PJA2: variants seen among roughly 807,000 people sequenced by gnomAD.
PJA2 encodes the protein praja ring finger ubiquitin ligase 2.
A neutral mutation model predicts 69.3 loss-of-function variants in PJA2; 25 were observed. The observed-to-expected ratio is 0.36, with a 90% CI of 0.26 to 0.50. PJA2 has a LOEUF of 0.50. Among genes scored for constraint, PJA2 ranks in the 20% least tolerant of loss-of-function variants. The pLI, the probability that PJA2 is intolerant of heterozygous loss-of-function variation, is 0.96. For missense variants in PJA2, 809 were observed against 830.2 expected (o/e 0.97, Z 0.31); for synonymous variants, 308 against 277.8 (o/e 1.11, Z -1.08).
intron 9 of PJA2, among the ~76,000 whole-genome samples, chr5:109,343,076 T>C (rs562344261): frequency 9.9e-6 from 1 of 100,970 alleles, no homozygotes. Flanking sequence ...GCGGGAAAGG[T>C]GGGGAAAAGA....
intron 4 of PJA2, among the ~76,000 whole-genome samples, chr5:109,371,387 T>C (rs189960879): frequency 6.6e-6 from 1 of 152,374 alleles, no homozygotes; most frequent in African/African-American, 2.4e-5. Flanking sequence ...TATCTTTTAA[T>C]GCTATCACCA....
Position 109,368,755 on chromosome 5 carries a change from C to G in PJA2, c.1284-9G>C. The G allele has an allele frequency of 6.2e-7, 1 of 1,607,066 alleles. No individual in the cohort carries two copies. Among genetic ancestry groups the G allele is most frequent in the Non-Finnish European group, 8.5e-7 (1 of 1,177,360 alleles). On this transcript the variant is annotated splice_polypyrimidine_tract_variant and intron_variant, in intron 4 of 9. Coordinates refer to ENST00000361189, the MANE Select transcript of PJA2 (RefSeq NM_014819.5). ...CATCACTGCATTCAGAACTGCAAAT[C>G]AGAAGAGAAATAAACTATCATAATG...
At chr5:109,384,429 T>C (rs1355308675) in intron 1 of PJA2, among the ~76,000 whole-genome samples, 1 of 152,242 alleles carries the variant, frequency 6.6e-6, no homozygotes, top group African/African-American at 2.4e-5. Context: ...ACTTCTGTTT[T>C]GAAATTAATG....
Position 109,379,123 on chromosome 5 carries a change from C to T in PJA2, c.364G>A (p.Val122Ile), listed in dbSNP as rs369335993. The T allele has an allele frequency of 1.7e-5, 28 of 1,613,990 alleles. No individual in the cohort carries two copies. Among genetic ancestry groups the T allele is most frequent in the Non-Finnish European group, 2.4e-5 (28 of 1,180,024 alleles). The stretch of plus-strand genomic sequence containing the variant: ...TCCCTGCCTTCCTCACTGTGATGTA[C>T]TGCAACAAAGGATTGACTGCTCTCA... ...TTESSQSFVA[V>I]HHSEEGRDTL... is the part of the protein sequence containing the mutation. The change falls in exon 4 of 10, where the codon GTA becomes ATA. Residue 122 changes from valine to isoleucine, a missense_variant. Val to Ile is a conservative substitution (Grantham distance 29). Transcript: ENST00000361189.
In PJA2 at chr5:109,378,362, G is replaced by C; in HGVS notation, c.1125C>G (p.Phe375Leu). ...TAACTCTTGAGTATGGTGGATCCAA[G>C]AACATACAGTCATGCTCTCCATCAT... ...EEYDGEHDCM[F>L]LDPPYSRVIT... Residue 375 changes from phenylalanine to leucine, a missense_variant, in exon 4 of 10, where the codon TTC becomes TTG. By Grantham distance (22) the Phe-to-Leu change is conservative. Transcript: ENST00000361189. The C allele has an allele frequency of 6.2e-7, 1 of 1,614,106 alleles. No homozygotes were observed. Among genetic ancestry groups the C allele is most frequent in the Non-Finnish European group, 8.5e-7 (1 of 1,180,008 alleles).
chr5:109,347,966 G>C (rs1278429798), intron 7 of PJA2, among the ~76,000 whole-genome samples: 1 of 152,196 alleles, frequency 6.6e-6, no homozygotes, highest in Non-Finnish European at 1.5e-5. Flanking sequence ...CCGGGACACA[G>C]AACTGGCAAG....
In PJA2 at chr5:109,364,411, CAGG is replaced by C. The variant is rs571032218; in HGVS notation, c.1470-1392_1470-1390del. On this transcript the variant is annotated intron_variant, in intron 5 of 9. Transcript: ENST00000361189. ...GGCCGAGGCGGGCGGATCACGAGGT[CAGG>C]AGATCGAGACCATCCCGGCTAAAAC... Among the ~76,000 whole-genome samples, 408 of 151,854 alleles carry C rather than the reference CAGG, an allele frequency of 2.7e-3. 5 individuals carry two copies. Among genetic ancestry groups the C allele is most frequent in the South Asian group, 9.2e-3 (44 of 4,804 alleles).
At chr5:109,395,700 G>C (rs1747390584) in intron 1 of PJA2, among the ~76,000 whole-genome samples, 1 of 152,094 alleles carries the variant, frequency 6.6e-6, no homozygotes, top group Non-Finnish European at 1.5e-5. Flanking sequence ...TTTAAGAGCA[G>C]AGTAAAATCT....
chr5:109,386,339 G>A (rs1291700756), intron 1 of PJA2, among the ~76,000 whole-genome samples: 2 of 152,126 alleles, frequency 1.3e-5, no homozygotes, highest in African/African-American at 2.4e-5. Flanking sequence ...TAGCAACATG[G>A]AGGATAATGG....
At chr5:109,394,936 G>A (rs1172255439) in intron 1 of PJA2, among the ~76,000 whole-genome samples, 1 of 152,102 alleles carries the variant, frequency 6.6e-6, no homozygotes, top group Non-Finnish European at 1.5e-5. Flanking sequence ...AAAAGAGGAG[G>A]AATATCTCGC....
Position 109,409,954 on chromosome 5 carries a change from T to A in PJA2, c.-200A>T, listed in dbSNP as rs1237473032. The A allele has an allele frequency of 4.7e-6, 1 of 211,104 alleles. No homozygotes were observed. The highest frequency in any genetic ancestry group is 1.9e-3 in the Middle Eastern group (1 of 524). The allele number at this position is 211,104 out of a possible 1,614,324, so 13.1% of individuals were successfully genotyped here. A position where few individuals can be genotyped will look rare whatever the true frequency, so the allele number is the denominator to read the frequency against. ...CGCCGAACGCGAAGCGGCTGGCGGC[T>A]GTGGCGGCGGCGGCGGCGGTGGCGG... On this transcript the variant is annotated 5_prime_UTR_variant, in exon 1 of 10. Transcript: ENST00000361189.
At position 109,377,172 on chromosome 5, in the gene PJA2, C is replaced by T. The variant is rs78862039; in HGVS notation, c.1283+1032G>A. ...AATTACACAATCTGTATTATAGTAG[C>T]TTAATTCATATGTCCAAAGAAAATC... On this transcript the variant is annotated intron_variant, in intron 4 of 9. Transcript: ENST00000361189. Among the ~76,000 whole-genome samples the T allele has an allele frequency of 7.9e-5, 12 of 152,140 alleles. No homozygotes were observed. In the East Asian group the frequency reaches 1.5e-3, roughly 20 times the overall value.
At position 109,378,482 on chromosome 5, in the gene PJA2, C is replaced by A. The variant is rs1746953237; in HGVS notation, c.1005G>T (p.Arg335Ser). Residue 335 changes from arginine (R) to serine (S), a missense_variant, in exon 4 of 10, where the codon AGG (arginine) becomes AGT (serine). Coordinates refer to ENST00000361189, the MANE Select transcript of PJA2 (RefSeq NM_014819.5). ...GAACACTTCTTTGTTTCGCCTCATG[C>A]CTATTAAAACCTGTTTCTTGGTCCA... is the stretch of plus-strand genomic sequence containing the variant. ...SQVDQETGFN[R>S]HEAKQRSVQR... is the part of the protein sequence containing the mutation. The A allele has an allele frequency of 6.2e-7, 1 of 1,614,170 alleles. No individual in the cohort carries two copies.
At chr5:109,400,112 A>G (rs1211967389) in intron 1 of PJA2, among the ~76,000 whole-genome samples, 1 of 151,992 alleles carries the variant, frequency 6.6e-6, no homozygotes, top group East Asian at 1.9e-4. Context: ...CAACATAGTG[A>G]TACCCGTCTC....
chr5:109,402,642 G>C (rs992932117), intron 1 of PJA2, among the ~76,000 whole-genome samples: 1 of 152,122 alleles, frequency 6.6e-6, no homozygotes, highest in Admixed American at 6.5e-5. Context: ...GGAAAGAGAA[G>C]GCCTAACAAG....
intron 7 of PJA2, among the ~76,000 whole-genome samples, chr5:109,347,129 T>C (rs1762183528): frequency 1.3e-5 from 2 of 152,314 alleles, no homozygotes; most frequent in South Asian, 2.1e-4. Context: ...ATAGTTAATA[T>C]TATTGAACAC....
At chr5:109,364,576 T>C (rs1351592600) in intron 5 of PJA2, among the ~76,000 whole-genome samples, 2 of 138,052 alleles carry the variant, frequency 1.4e-5, no homozygotes, top group African/African-American at 5.6e-5. Context: ...TGAGCCGAGA[T>C]CCCGCCACTG....
rs935324317 is a variant in PJA2, at chr5:109,336,525, G to C, written c.*706C>G. ...CATCTAATTCAGCTCATTGTACCAA[G>C]CCCTGAGCACACTAGATTCTTTGTA... On this transcript the variant is annotated 3_prime_UTR_variant, in exon 10 of 10. Transcript: ENST00000361189. The C allele has an allele frequency of 6.6e-6, 1 of 151,978 alleles. No homozygotes were observed. The highest frequency in any genetic ancestry group is 1.5e-5 in the Non-Finnish European group (1 of 67,996). The allele number at this position is 151,978 out of a possible 1,614,324, so 9.4% of individuals were successfully genotyped here.
At chr5:109,367,276 A>G (rs1041902697) in intron 5 of PJA2, among the ~76,000 whole-genome samples, 2 of 151,102 alleles carry the variant, frequency 1.3e-5, no homozygotes, top group Non-Finnish European at 3.0e-5. Flanking sequence ...TTCTTTATAG[A>G]TTTTTCTATA....
Sources: gnomAD v4.1 joint callset for allele counts (sites outside exome capture counted in the v4.1 genomes callset) on GRCh38, gnomAD v4.1.1 for gene constraint, MANE v1.5 for transcripts, NCBI Gene and HGNC (gene_info 2026-07-23, HGNC 2026-07-21) for gene names.